CELF4: variants seen among roughly 807,000 people sequenced by gnomAD.
The protein encoded by CELF4 is CUG-BP- and ETR-3-like factor 4.
Under a neutral mutation model 59.9 loss-of-function variants are expected in CELF4, and 18 were observed. The ratio of observed to expected loss-of-function variants is 0.30; its 90% CI spans 0.21 to 0.45. The LOEUF (loss-of-function observed/expected upper bound fraction) is 0.45. Among genes scored for constraint, CELF4 ranks in the 20% least tolerant of loss-of-function variants. The pLI is 1.00. For synonymous variants in CELF4, 261 were observed against 267.1 expected (o/e 0.98, Z 0.22); for missense variants, 456 against 689.0 (o/e 0.66, Z 3.79).
chr18:37,257,761 C>T lies in CELF4; in HGVS notation c.1333+1420G>A, dbSNP rs2070902878. 2.0e-5 allele frequency among the ~76,000 whole-genome samples: 3 copies of T among 152,158 alleles called. No individual in the cohort carries two copies. The South Asian group carries it at 6.2e-4, about 32-fold the overall frequency. ...GAATCTGGGGGTCAGCCTGGAGATA[C>T]TGAGTGTCTGGCAGACTCAGCTCTG... On this transcript the variant is annotated intron_variant, in intron 11 of 12. Transcript: ENST00000420428.
intron 2 of CELF4, among the ~76,000 whole-genome samples, chr18:37,346,912 C>T (rs904326384): frequency 4.0e-5 from 6 of 151,844 alleles, no homozygotes; most frequent in African/African-American, 4.8e-5. Context: ...GAGTGGTGGA[C>T]GGGGTATCTT....
At chr18:37,317,060 G>A (rs1309769061) in intron 3 of CELF4, among the ~76,000 whole-genome samples, 2 of 152,202 alleles carry the variant, frequency 1.3e-5, no homozygotes, top group African/African-American at 4.8e-5. Flanking sequence ...GTGGGGCCAA[G>A]AACATCCATA....
chr18:37,439,610 G>A (rs975231693), intron 2 of CELF4, among the ~76,000 whole-genome samples: 2 of 152,090 alleles, frequency 1.3e-5, no homozygotes, highest in African/African-American at 2.4e-5. Context: ...CCATGTTGGA[G>A]CCCTTGGGGA....
At chr18:37,378,001 C>T (rs967166248) in intron 2 of CELF4, among the ~76,000 whole-genome samples, 1 of 152,166 alleles carries the variant, frequency 6.6e-6, no homozygotes, top group African/African-American at 2.4e-5. Context: ...CCTTCTCCTC[C>T]TCCCTGCGCC....
intron 1 of CELF4, among the ~76,000 whole-genome samples, chr18:37,501,433 G>A (rs771290695): frequency 6.6e-6 from 1 of 152,218 alleles, no homozygotes; most frequent in Non-Finnish European, 1.5e-5. Context: ...GGGCCTGCGG[G>A]TCTCCATTCC....
chr18:37,305,042 C>T (rs900075190), intron 3 of CELF4, among the ~76,000 whole-genome samples: 4 of 151,862 alleles, frequency 2.6e-5, no homozygotes, highest in African/African-American at 7.3e-5. Context: ...GTGGCCACAG[C>T]GTGGAGGGGA....
intron 2 of CELF4, among the ~76,000 whole-genome samples, chr18:37,384,926 A>G (rs1008427483): frequency 2.0e-5 from 3 of 152,148 alleles, no homozygotes; most frequent in Non-Finnish European, 4.4e-5. Flanking sequence ...TAAACTTACT[A>G]ATGAGTACGG....
intron 2 of CELF4, among the ~76,000 whole-genome samples, chr18:37,463,657 T>C (rs566439921): frequency 6.6e-6 from 1 of 152,234 alleles, no homozygotes; most frequent in South Asian, 2.1e-4. Flanking sequence ...CTTCACCCAG[T>C]TGGGCCTGAG....
At chr18:37,314,136 G>T (rs1363073284) in intron 3 of CELF4, among the ~76,000 whole-genome samples, 1 of 152,210 alleles carries the variant, frequency 6.6e-6, no homozygotes, top group Non-Finnish European at 1.5e-5. Flanking sequence ...CAAGATGCAG[G>T]AGTGCAGGGA....
At chr18:37,277,955 C>T (rs921782781) in intron 3 of CELF4, among the ~76,000 whole-genome samples, 1 of 152,234 alleles carries the variant, frequency 6.6e-6, no homozygotes, top group African/African-American at 2.4e-5. Context: ...CATGCGGAGA[C>T]TGCAGCTCCT....
chr18:37,373,872 C>T (rs2098933796), intron 2 of CELF4, among the ~76,000 whole-genome samples: 1 of 152,244 alleles, frequency 6.6e-6, no homozygotes, highest in South Asian at 2.1e-4. Context: ...CCCAATACCA[C>T]AGCCTCTGTC....
chr18:37,385,118 G>C (rs745372821), intron 2 of CELF4, among the ~76,000 whole-genome samples: 1 of 152,032 alleles, frequency 6.6e-6, no homozygotes, highest in Non-Finnish European at 1.5e-5. Context: ...AGGCTGAGGC[G>C]GGTGGATCAC....
chr18:37,301,750 G>T (rs1307723984), intron 3 of CELF4, among the ~76,000 whole-genome samples: 2 of 152,234 alleles, frequency 1.3e-5, no homozygotes, highest in African/African-American at 4.8e-5. Flanking sequence ...GAGCCGGAAG[G>T]CCTCACTCGG....
chr18:37,557,080 C>G (rs768638807), intron 1 of CELF4, among the ~76,000 whole-genome samples: 13 of 152,196 alleles, frequency 8.5e-5, no homozygotes, highest in Non-Finnish European at 1.8e-4. Context: ...GCTTCAGCTG[C>G]AAGCATTTCT....
chr18:37,274,969 C>G (rs2092794452), intron 4 of CELF4, 85 bp from the exon 5 acceptor site: 2 of 1,551,296 alleles, frequency 1.3e-6, no homozygotes, highest in Admixed American at 3.6e-5. Flanking sequence ...CAGGTGAACG[C>G]AGACGGGTGA....
chr18:37,312,137 A>AAAAAAAGAAAAG (rs1569557801), intron 3 of CELF4, among the ~76,000 whole-genome samples: 44 of 141,320 alleles, frequency 3.1e-4, no homozygotes, highest in South Asian at 6.6e-4. Flanking sequence ...AAAAGAAAAA[A>AAAAAAAGAAAAG]AAAAAAAGAA....
At chr18:37,322,453 A>G (rs977464664) in intron 2 of CELF4, among the ~76,000 whole-genome samples, 3 of 152,214 alleles carry the variant, frequency 2.0e-5, no homozygotes, top group Non-Finnish European at 4.4e-5. Context: ...TCCATATTGC[A>G]GCCAGGGCTG....
intron 2 of CELF4, among the ~76,000 whole-genome samples, chr18:37,371,104 A>G (rs887231251): frequency 6.6e-6 from 1 of 151,776 alleles, no homozygotes; most frequent in East Asian, 1.9e-4. Flanking sequence ...GAAAGACCCC[A>G]TATTTCTCCC....
intron 2 of CELF4, among the ~76,000 whole-genome samples, chr18:37,334,993 GCTCCCTCC>G (rs934548914): frequency 2.0e-5 from 3 of 150,024 alleles, no homozygotes; most frequent in African/African-American, 7.4e-5. Context: ...TCACTCCCTC[GCTCCCTCC>G]CTCCCTCCCT....
Sources: gnomAD v4.1 joint callset for allele counts (sites outside exome capture counted in the v4.1 genomes callset) on GRCh38, gnomAD v4.1.1 for gene constraint, MANE v1.5 for transcripts, NCBI Gene and HGNC (gene_info 2026-07-23, HGNC 2026-07-21) for gene names.